Variants in WDFY3 observed in about 807,000 individuals in gnomAD.
WDFY3 encodes WD repeat and FYVE domain-containing protein 3.
A neutral mutation model predicts 409.6 loss-of-function variants in WDFY3; 66 were observed. The observed-to-expected ratio is 0.16, with a 90% CI of 0.13 to 0.20. WDFY3 has a LOEUF of 0.20. WDFY3 is among the 10% of genes least tolerant of loss of function. The pLI is 1.00. For missense variants in WDFY3, 3,031 were observed against 4,298.1 expected, an observed-to-expected ratio of 0.71 and a Z score of 8.24; for synonymous variants, 1,521 against 1,537.1, an observed-to-expected ratio of 0.99 and a Z score of 0.25.
chr4:84,785,288 C>T (rs1171918657), intron 24 of WDFY3, among the ~76,000 whole-genome samples: 1 of 152,062 alleles, frequency 6.6e-6, no homozygotes, highest in African/African-American at 2.4e-5. Flanking sequence ...CAGGTACGTA[C>T]AGTACACTTC....
chr4:84,833,954 C>T (rs1046817784), intron 7 of WDFY3, among the ~76,000 whole-genome samples: 2 of 152,166 alleles, frequency 1.3e-5, no homozygotes, highest in Non-Finnish European at 1.5e-5. Flanking sequence ...TGGTACCCTT[C>T]CCACCAAATG....
intron 2 of WDFY3, among the ~76,000 whole-genome samples, chr4:84,906,742 T>C (rs561909077): frequency 6.6e-6 from 1 of 152,110 alleles, no homozygotes; most frequent in South Asian, 2.1e-4. Flanking sequence ...ATTTGTAAAC[T>C]TTCTTAAAAC....
chr4:84,812,403 C>T (rs528331643), intron 13 of WDFY3, among the ~76,000 whole-genome samples: 1 of 152,126 alleles, frequency 6.6e-6, no homozygotes, highest in Non-Finnish European at 1.5e-5. Flanking sequence ...GATGGCTGAA[C>T]TCAGGATGCT....
intron 3 of WDFY3, among the ~76,000 whole-genome samples, chr4:84,880,786 C>T (rs1763431115): frequency 1.4e-5 from 2 of 140,752 alleles, no homozygotes; most frequent in Non-Finnish European, 3.0e-5. Flanking sequence ...GATAGGATCT[C>T]GGCTCACTGC....
intron 67 of WDFY3, among the ~76,000 whole-genome samples, chr4:84,675,733 G>A (rs1726164905): frequency 6.6e-6 from 1 of 151,886 alleles, no homozygotes; most frequent in African/African-American, 2.4e-5. Context: ...AGCATCTCTG[G>A]AGTAAGGCAA....
At chr4:84,678,308 TAACTC>T (rs1726711444) in intron 65 of WDFY3, 29 bp from the exon 66 acceptor site, 1 of 1,552,808 alleles carries the variant, frequency 6.4e-7, no homozygotes, top group Non-Finnish European at 8.9e-7. Flanking sequence ...GGACACAACA[TAACTC>T]AACTGAGAGA....
chr4:84,919,003 G>A (rs188153970), intron 2 of WDFY3, among the ~76,000 whole-genome samples: 5 of 151,986 alleles, frequency 3.3e-5, no homozygotes, highest in Non-Finnish European at 5.9e-5. Context: ...AAGGCTCCTA[G>A]GAGAAATGAC....
At chr4:84,685,205 C>T (rs1337236045) in intron 62 of WDFY3, among the ~76,000 whole-genome samples, 2 of 152,094 alleles carry the variant, frequency 1.3e-5, no homozygotes, top group African/African-American at 4.8e-5. Flanking sequence ...AGATGGTCAG[C>T]AAAAACAGAG....
intron 3 of WDFY3, among the ~76,000 whole-genome samples, chr4:84,885,868 A>G (rs1203564675): frequency 6.6e-6 from 1 of 152,202 alleles, no homozygotes; most frequent in Non-Finnish European, 1.5e-5. Context: ...TTCCTCTTCT[A>G]CATCTACACT....
intron 2 of WDFY3, among the ~76,000 whole-genome samples, chr4:84,903,916 C>T (rs1384269202): frequency 2.0e-5 from 3 of 151,974 alleles, no homozygotes; most frequent in Non-Finnish European, 4.4e-5. Flanking sequence ...TCCATCCGCC[C>T]GCCTGCCTGC....
chr4:84,730,972 T>C (rs1003172690), intron 44 of WDFY3, among the ~76,000 whole-genome samples: 3 of 152,152 alleles, frequency 2.0e-5, no homozygotes, highest in Non-Finnish European at 4.4e-5. Flanking sequence ...TAATTTTCTA[T>C]TTTTAGTAGA....
chr4:84,845,120 A>G (rs573443721), intron 5 of WDFY3, among the ~76,000 whole-genome samples: 24 of 152,306 alleles, frequency 1.6e-4, no homozygotes, highest in African/African-American at 5.1e-4. Context: ...TGATAAAAAA[A>G]AGGCTGTGTC....
At position 84,700,720 on chromosome 4, in the gene WDFY3, T is replaced by C. The variant is rs115677872; in HGVS notation, c.8596+1633A>G. Among the ~76,000 whole-genome samples the C allele has an allele frequency of 9.9e-3, 1,501 of 152,348 alleles. 27 individuals are homozygous for C. The highest frequency in any genetic ancestry group is 0.034 in the African/African-American group (1,416 of 41,590). On this transcript the variant is annotated intron_variant, in intron 56 of 67. Coordinates refer to ENST00000295888, the MANE Select transcript of WDFY3 (RefSeq NM_014991.6). ...AGATTATGAGCTATCTCTTTCTTTC[T>C]GCACCTCTCCATATTTGTCTCTTTG...
In WDFY3 at chr4:84,696,780, T is replaced by C. The variant is rs1198713949; in HGVS notation, c.8640A>G (p.Pro2880=). 2.5e-6 allele frequency: 4 copies of C among 1,613,614 alleles called. No homozygotes were observed. In the Admixed American group the frequency reaches 6.7e-5, roughly 27 times the overall value. The change falls in exon 57 of 68, where the codon CCA becomes CCG. Residue 2880 remains proline, a synonymous_variant. Coordinates refer to ENST00000295888, the MANE Select transcript of WDFY3 (RefSeq NM_014991.6). The stretch of plus-strand genomic sequence containing the variant: ...CTCGTGGGTCCCCTTTTGCCCAGGG[T>C]GGAAGGATAACATCTCCAAGCTTGG... ...NGTKLGDVIL[P]PWAKGDPREF... is the part of the protein sequence containing the mutation.
intron 58 of WDFY3, 84 bp downstream of exon 58, chr4:84,695,886 A>T: frequency 1.6e-6 from 2 of 1,277,134 alleles, no homozygotes; most frequent in Non-Finnish European, 2.2e-6. Flanking sequence ...ATCTAAACTT[A>T]ATTATTTTGT....
intron 51 of WDFY3, among the ~76,000 whole-genome samples, chr4:84,710,922 T>TA (rs902334690): frequency 3.9e-5 from 6 of 152,256 alleles, no homozygotes; most frequent in Non-Finnish European, 5.9e-5. Flanking sequence ...TTTCTGGGGT[T>TA]AAAAAAAGCA....
At chr4:84,794,800 C>T in intron 20 of WDFY3, 63 bp from the exon 21 acceptor site, 28 of 1,512,586 alleles carry the variant, frequency 1.9e-5, no homozygotes, top group Non-Finnish European at 2.5e-5. Flanking sequence ...TAAAAGATGC[C>T]AACAAAAGCA....
chr4:84,954,248 AT>A (rs772778796), intron 1 of WDFY3, among the ~76,000 whole-genome samples: 56 of 152,228 alleles, frequency 3.7e-4, no homozygotes, highest in Non-Finnish European at 1.8e-4. Flanking sequence ...ACTTGATCTA[AT>A]TTAGTCCCTA....
intron 5 of WDFY3, among the ~76,000 whole-genome samples, chr4:84,842,296 G>C (rs1290398867): frequency 2.0e-5 from 3 of 152,022 alleles, no homozygotes; most frequent in African/African-American, 7.2e-5. Flanking sequence ...GGCCAACATG[G>C]AGAAACCCCA....
Sources: allele counts gnomAD v4.1 joint callset (sites outside exome capture counted in the v4.1 genomes callset), GRCh38; gene constraint gnomAD v4.1.1; transcripts MANE v1.5; gene names NCBI Gene and HGNC (gene_info 2026-07-23, HGNC 2026-07-21).